The following C2orf76 variants were observed in gnomAD, a reference collection of about 807,000 sequenced individuals.
C2orf76 encodes UPF0538 protein C2orf76.
C2orf76 carries 23 observed loss-of-function variants against 16.9 expected under a neutral mutation model. The ratio of observed to expected loss-of-function variants is 1.36; its 90% CI spans 0.98 to 1.93. C2orf76 has a LOEUF of 1.93. Among genes scored for constraint, C2orf76 ranks in the 30% most tolerant of loss-of-function variants. The probability of loss-of-function intolerance (pLI) is 0.00; values close to 1 mark genes in which losing one functional copy is unlikely to be tolerated. For synonymous variants in C2orf76, 48 were observed against 52.3 expected (o/e 0.92, Z 0.35); for missense variants, 152 against 152.6 (o/e 1.00, Z 0.02).
At chr2:119,285,721 G>T in the C2orf76 span, among the ~76,000 whole-genome samples, 4 of 152,164 alleles carry the variant, frequency 2.6e-5, no homozygotes, top group African/African-American at 9.7e-5. Context: ...ATTATTGCTG[G>T]TATCTGAATT....
chr2:119,361,291 T>C (rs1680737110), intron 1 of C2orf76, among the ~76,000 whole-genome samples: 2 of 152,242 alleles, frequency 1.3e-5, no homozygotes, highest in African/African-American at 4.8e-5. Flanking sequence ...CTCACACTTT[T>C]ATTACAATAT....
At chr2:119,291,689 AC>A in the C2orf76 span, among the ~76,000 whole-genome samples, 1 of 152,044 alleles carries the variant, frequency 6.6e-6, no homozygotes, top group African/African-American at 2.4e-5. Flanking sequence ...GCAGCCGGAC[AC>A]CCCTGCCTTG....
chr2:119,356,798 G>A lies in C2orf76; in HGVS notation c.-13+9992C>T, dbSNP rs189798304. Among the ~76,000 whole-genome samples, 384 of 151,934 alleles carry A rather than the reference G, an allele frequency of 2.5e-3. 1 individual carries two copies. The highest frequency in any genetic ancestry group is 8.9e-3 in the African/African-American group (371 of 41,460). On this transcript the variant is annotated intron_variant, in intron 1 of 5. Coordinates refer to ENST00000334816, the MANE Select transcript of C2orf76 (RefSeq NM_001322331.2). ...AAGAAGGCACAAATAACCAATATTGGGAATGAAATGGAGGATATCATTACA... is the reference window on the plus strand; with the variant it reads ...AAGAAGGCACAAATAACCAATATTGAGAATGAAATGGAGGATATCATTACA...
intron 5 of C2orf76, among the ~76,000 whole-genome samples, chr2:119,310,304 CAA>C (rs1360459965): frequency 3.9e-5 from 6 of 152,244 alleles, no homozygotes; most frequent in Admixed American, 1.3e-4. Context: ...TTTAAAGAAA[CAA>C]ATGCCAAATT....
chr2:119,362,748 T>C (rs1680785078), intron 1 of C2orf76, among the ~76,000 whole-genome samples: 2 of 152,232 alleles, frequency 1.3e-5, no homozygotes, highest in Non-Finnish European at 2.9e-5. Context: ...GATACTTCCC[T>C]ATCAGAATCT....
At chr2:119,288,280 C>A in the C2orf76 span, among the ~76,000 whole-genome samples, 1 of 151,840 alleles carries the variant, frequency 6.6e-6, no homozygotes, top group Non-Finnish European at 1.5e-5. Flanking sequence ...CCTCAGCCTC[C>A]CGAGTAGCTC....
intron 2 of C2orf76, among the ~76,000 whole-genome samples, chr2:119,324,917 G>C (rs979441712): frequency 6.6e-6 from 1 of 152,122 alleles, no homozygotes; most frequent in East Asian, 1.9e-4. Context: ...TTAATCTTGC[G>C]CTATTACAAA....
intron 2 of C2orf76, among the ~76,000 whole-genome samples, chr2:119,332,497 A>T (rs2104587788): frequency 6.6e-6 from 1 of 152,320 alleles, no homozygotes; most frequent in East Asian, 1.9e-4. Flanking sequence ...AAATTCACTT[A>T]ACCCACCAAC....
At chr2:119,322,538 C>T (rs1679378444) in intron 2 of C2orf76, among the ~76,000 whole-genome samples, 1 of 152,120 alleles carries the variant, frequency 6.6e-6, no homozygotes, top group Non-Finnish European at 1.5e-5. Flanking sequence ...CTATACTACA[C>T]ACGAGTGTGT....
At chr2:119,311,057 T>C in intron 5 of C2orf76, 1 of 652,150 alleles carries the variant, frequency 1.5e-6, no homozygotes, top group Non-Finnish European at 1.9e-6. Flanking sequence ...AACAGTGACA[T>C]CTAATGGTCA....
Position 119,342,931 on chromosome 2 carries a change from G to T in C2orf76, c.-12-2960C>A, listed in dbSNP as rs149655371. 3.9e-3 allele frequency among the ~76,000 whole-genome samples: 600 copies of T among 152,030 alleles called. 4 individuals carry two copies. Among genetic ancestry groups the T allele is most frequent in the African/African-American group, 0.011 (452 of 41,492 alleles). The stretch of plus-strand genomic sequence containing the variant: ...ACTACAGGTACGCGCCACCAGGCCC[G>T]GCTAATTTTTGTATTTTTAGTAGAG... On this transcript the variant is annotated intron_variant, in intron 1 of 5. Transcript: ENST00000334816.
At chr2:119,349,753 G>A (rs887648296) in intron 1 of C2orf76, among the ~76,000 whole-genome samples, 1 of 152,038 alleles carries the variant, frequency 6.6e-6, no homozygotes, top group African/African-American at 2.4e-5. Flanking sequence ...TCTCCCCCAG[G>A]CTGAGCCATG....
At chr2:119,289,596 G>T in the C2orf76 span, among the ~76,000 whole-genome samples, 1 of 151,836 alleles carries the variant, frequency 6.6e-6, no homozygotes, top group Admixed American at 6.6e-5. Context: ...TGAGGCAGGA[G>T]AATCGATTGA....
At chr2:119,287,782 G>A in the C2orf76 span, among the ~76,000 whole-genome samples, 1,600 of 152,230 alleles carry the variant, frequency 0.011, 24 homozygotes, top group African/African-American at 0.035. Flanking sequence ...AGATTTGGAC[G>A]CAACTGTGTG....
rs553495233 is a variant in C2orf76 at position 119,334,292 on chromosome 2, C to G, written c.133+5535G>C. On this transcript the variant is annotated intron_variant, in intron 2 of 5. Coordinates refer to ENST00000334816, the MANE Select transcript of C2orf76 (RefSeq NM_001322331.2). ...GGCAGTGAAACTATTCTGTACGGCA[C>G]TGTAAGGGTGGCTACATGACATTAC... 2.7e-5 allele frequency among the ~76,000 whole-genome samples: 4 copies of G among 145,802 alleles called. No homozygotes were observed. In the East Asian group the frequency reaches 6.3e-4, roughly 23 times the overall value.
At chr2:119,290,392 G>T in the C2orf76 span, among the ~76,000 whole-genome samples, 2 of 151,994 alleles carry the variant, frequency 1.3e-5, no homozygotes, top group African/African-American at 2.4e-5. Flanking sequence ...TTTCCAAAGC[G>T]TTGACACATT....
At chr2:119,286,851 G>T in the C2orf76 span, among the ~76,000 whole-genome samples, 4 of 152,164 alleles carry the variant, frequency 2.6e-5, no homozygotes, top group African/African-American at 9.7e-5. Flanking sequence ...GTTCTCATGA[G>T]ATGTTCATTC....
At chr2:119,297,944 T>C (rs1479816753), downstream of C2orf76, among the ~76,000 whole-genome samples, 1 of 152,164 alleles carries the variant, frequency 6.6e-6, no homozygotes, top group African/African-American at 2.4e-5. Flanking sequence ...TCTGCTTCTT[T>C]TGATTTCTAT....
At chr2:119,364,766 C>A (rs1376403245) in intron 1 of C2orf76, among the ~76,000 whole-genome samples, 1 of 152,066 alleles carries the variant, frequency 6.6e-6, no homozygotes. Flanking sequence ...ATCTTGCATT[C>A]TCAGAATTAT....
Sources: gnomAD v4.1 joint callset for allele counts (sites outside exome capture counted in the v4.1 genomes callset) on GRCh38, gnomAD v4.1.1 for gene constraint, MANE v1.5 for transcripts, NCBI Gene and HGNC (gene_info 2026-07-23, HGNC 2026-07-21) for gene names.